Variants in SDK1 observed in about 807,000 individuals in gnomAD.
SDK1 encodes the protein protein sidekick-1.
A neutral mutation model predicts 245.5 loss-of-function variants in SDK1; 157 were observed. The ratio of observed to expected loss-of-function variants is 0.64; its 90% CI spans 0.56 to 0.73. The LOEUF is 0.73. Ranked by LOEUF, SDK1 falls within the 30% of genes least tolerant of loss-of-function variation. The pLI is 0.00. For missense variants in SDK1, 3,583 were observed against 3,002.3 expected, an observed-to-expected ratio of 1.19 and a Z score of -4.52; for synonymous variants, 1,647 against 1,278.5, an observed-to-expected ratio of 1.29 and a Z score of -6.15.
chr7:3,821,459 A>G lies in SDK1; in HGVS notation c.723A>G (p.Thr241=), dbSNP rs143959434. ...TTCTTTTCTGAAACAGAGCCATCAC[A>G]TTGGAGAATCAGCTGGTGATCCTCG... ...KIIPSNRIAI[T]LENQLVILAT... is the part of the protein sequence containing the mutation. The change falls in exon 5 of 45, where the codon ACA becomes ACG. Residue 241 remains threonine, a synonymous_variant. Coordinates refer to ENST00000404826, the MANE Select transcript of SDK1 (RefSeq NM_152744.4). 6 of 1,613,390 alleles carry G rather than the reference A, an allele frequency of 3.7e-6. No homozygotes were observed. The African/African-American group carries it at 5.3e-5, about 14-fold the overall frequency.
intron 1 of SDK1, among the ~76,000 whole-genome samples, chr7:3,558,196 G>T (rs898750363): frequency 6.6e-6 from 1 of 152,210 alleles, no homozygotes; most frequent in African/African-American, 2.4e-5. Flanking sequence ...CTTTTCATAT[G>T]TTCAAAGAAA....
At chr7:3,833,928 C>G (rs529123866) in intron 5 of SDK1, among the ~76,000 whole-genome samples, 1 of 152,276 alleles carries the variant, frequency 6.6e-6, no homozygotes, top group Non-Finnish European at 1.5e-5. Context: ...GGATATTAAG[C>G]CATGTTGCCC....
intron 4 of SDK1, among the ~76,000 whole-genome samples, chr7:3,704,843 C>G (rs2115011569): frequency 6.6e-6 from 1 of 152,242 alleles, no homozygotes; most frequent in Non-Finnish European, 1.5e-5. Context: ...AAGTCTTTCA[C>G]CATCTTGAGT....
At chr7:3,951,456 C>G (rs1429988242) in intron 6 of SDK1, among the ~76,000 whole-genome samples, 5 of 152,186 alleles carry the variant, frequency 3.3e-5, no homozygotes, top group African/African-American at 4.8e-5. Flanking sequence ...TTTAAACATT[C>G]ATTTCCTGAG....
chr7:3,648,640 C>G (rs1381405707), intron 4 of SDK1, among the ~76,000 whole-genome samples: 3 of 152,194 alleles, frequency 2.0e-5, no homozygotes, highest in Non-Finnish European at 2.9e-5. Flanking sequence ...CATTGGAAGT[C>G]ACAACTTAAT....
At chr7:3,604,592 C>G (rs1265768800) in intron 1 of SDK1, among the ~76,000 whole-genome samples, 1 of 136,370 alleles carries the variant, frequency 7.3e-6, no homozygotes, top group Non-Finnish European at 1.6e-5. Context: ...TTTTCTTTTT[C>G]TTTTCTTTTC....
intron 17 of SDK1, among the ~76,000 whole-genome samples, chr7:4,028,083 G>A (rs1267635526): frequency 2.6e-5 from 4 of 152,078 alleles, no homozygotes; most frequent in Admixed American, 2.6e-4. Context: ...TGACAGTGGT[G>A]GTTCTCAGAG....
intron 17 of SDK1, among the ~76,000 whole-genome samples, chr7:4,027,213 T>G (rs1787427425): frequency 6.6e-6 from 1 of 152,192 alleles, no homozygotes; most frequent in Non-Finnish European, 1.5e-5. Context: ...ATACTGCACC[T>G]GAGGGTCATG....
At chr7:4,106,252 A>T (rs1298341026) in intron 22 of SDK1, among the ~76,000 whole-genome samples, 2 of 151,610 alleles carry the variant, frequency 1.3e-5, no homozygotes, top group African/African-American at 4.8e-5. Flanking sequence ...GTGGGAAAGG[A>T]TGAAGTGAAG....
intron 35 of SDK1, among the ~76,000 whole-genome samples, chr7:4,196,649 C>G (rs897197371): frequency 6.6e-6 from 1 of 150,982 alleles, no homozygotes; most frequent in African/African-American, 2.4e-5. Flanking sequence ...CTGCTCACCC[C>G]CACAGTGCTC....
In SDK1 at chr7:4,114,274, G is replaced by C; in HGVS notation, c.3823G>C (p.Val1275Leu). 1 of 1,596,156 alleles carries C rather than the reference G, an allele frequency of 6.3e-7. No individual in the cohort carries two copies. Among genetic ancestry groups the C allele is most frequent in the South Asian group, 1.1e-5 (1 of 89,478 alleles). The change falls in exon 25 of 45, where the codon GTT (valine) becomes CTT (leucine). Residue 1275 changes from valine to leucine, a missense_variant and splice_region_variant. Physicochemically the swap from Val to Leu is conservative, Grantham distance 32. Transcript: ENST00000404826. ...GGTGCGGGGCCGGACGCGGGAGTCA[G>C]GTGAGGGGAAGGCGATTCCCATCCT... is the stretch of plus-strand genomic sequence containing the variant. ...EVVRGRTRES[V>L]PSAAPENVSA...
Position 3,301,844 on chromosome 7 carries a change from G to T in SDK1, c.258G>T (p.Leu86=). The T allele has an allele frequency of 1.8e-6, 2 of 1,132,838 alleles. No individual in the cohort carries two copies. Among genetic ancestry groups the T allele is most frequent in the Non-Finnish European group, 2.2e-6 (2 of 925,476 alleles). 70.2% of individuals were successfully genotyped at this position (1,132,838 alleles called of 1,614,324 possible). A position where few individuals can be genotyped will look rare whatever the true frequency, so the allele number is the denominator to read the frequency against. ...CGGGCCGCCGCGGCTGGTGGGCGCT[G>T]CTGGCGCTGCAGCTGCACTTGCTCC... ...LGPGRRGWWA[L]LALQLHLLRA... Residue 86 remains leucine, a synonymous_variant, in exon 1 of 45, where the codon CTG becomes CTT. Transcript: ENST00000404826.
intron 1 of SDK1, among the ~76,000 whole-genome samples, chr7:3,376,718 A>G (rs911703434): frequency 1.4e-4 from 22 of 152,180 alleles, no homozygotes; most frequent in African/African-American, 5.3e-4. Flanking sequence ...TGCAAATACC[A>G]AATGAGTGCA....
intron 4 of SDK1, among the ~76,000 whole-genome samples, chr7:3,768,365 T>C (rs1478213316): frequency 6.6e-6 from 1 of 152,208 alleles, no homozygotes; most frequent in African/African-American, 2.4e-5. Flanking sequence ...ATACAGCCGA[T>C]TGAGCATGCT....
intron 19 of SDK1, among the ~76,000 whole-genome samples, chr7:4,056,885 TC>T (rs1326823917): frequency 6.6e-6 from 1 of 151,804 alleles, no homozygotes; most frequent in African/African-American, 2.4e-5. Context: ...CCGCCCCGGC[TC>T]CCGACAGCCT....
intron 38 of SDK1, among the ~76,000 whole-genome samples, chr7:4,216,032 G>A (rs189407406): frequency 3.9e-4 from 60 of 152,284 alleles, no homozygotes; most frequent in Non-Finnish European, 4.4e-4. Context: ...TGACTCTGCA[G>A]ATACCACAAC....
At chr7:4,117,071 A>G (rs55768254) in intron 25 of SDK1, among the ~76,000 whole-genome samples, 8,167 of 152,352 alleles carry the variant, frequency 0.054, 276 homozygotes, top group African/African-American at 0.081. Context: ...TCAGAGGGAC[A>G]GTTCTAAATC....
chr7:4,171,993 A>T (rs1484530900), intron 32 of SDK1, among the ~76,000 whole-genome samples: 1 of 152,102 alleles, frequency 6.6e-6, no homozygotes, highest in East Asian at 1.9e-4. Context: ...GGGGTCCGAC[A>T]CCCCTGGGCC....
chr7:3,345,083 T>G (rs1404807426), intron 1 of SDK1, among the ~76,000 whole-genome samples: 1 of 152,054 alleles, frequency 6.6e-6, no homozygotes, highest in African/African-American at 2.4e-5. Context: ...CTTTGAAGTC[T>G]TGTTGTAGAA....
Sources: gnomAD v4.1 joint callset for allele counts (sites outside exome capture counted in the v4.1 genomes callset) on GRCh38, gnomAD v4.1.1 for gene constraint, MANE v1.5 for transcripts, NCBI Gene and HGNC (gene_info 2026-07-23, HGNC 2026-07-21) for gene names.